Variants in KIAA0825 observed in about 807,000 individuals in gnomAD.
KIAA0825 encodes the protein uncharacterized protein KIAA0825.
In KIAA0825, 119 loss-of-function variants were observed where a neutral mutation model predicts 147.6. The ratio of observed to expected loss-of-function variants is 0.81; its 90% confidence interval spans 0.69 to 0.94. The LOEUF (loss-of-function observed/expected upper bound fraction) is 0.94, where lower values mean the gene tolerates loss of function less well. Ranked by LOEUF, KIAA0825 falls within the 40% of genes least tolerant of loss-of-function variation. The pLI is 0.00. For synonymous variants in KIAA0825, 470 were observed against 518.1 expected, an observed-to-expected ratio of 0.91 and a Z score of 1.26; for missense variants, 1,381 against 1,472.7, an observed-to-expected ratio of 0.94 and a Z score of 1.02.
At chr5:94,161,295 C>T (rs1190712191) in intron 20 of KIAA0825, among the ~76,000 whole-genome samples, 1 of 152,162 alleles carries the variant, frequency 6.6e-6, no homozygotes, top group African/African-American at 2.4e-5. Context: ...CTGCTACTAC[C>T]TCCCCTAGGG....
At chr5:94,317,727 T>C (rs927643190) in intron 20 of KIAA0825, among the ~76,000 whole-genome samples, 1 of 151,842 alleles carries the variant, frequency 6.6e-6, no homozygotes, top group Non-Finnish European at 1.5e-5. Flanking sequence ...CCTACAGTTA[T>C]TGTGCAGTGA....
intron 20 of KIAA0825, among the ~76,000 whole-genome samples, chr5:94,171,195 C>T (rs1044787139): frequency 6.6e-6 from 1 of 152,132 alleles, no homozygotes; most frequent in Admixed American, 6.5e-5. Flanking sequence ...CTTTCCTATG[C>T]TGTTCTCATG....
At chr5:94,264,357 C>T (rs189709670) in intron 20 of KIAA0825, among the ~76,000 whole-genome samples, 1 of 152,282 alleles carries the variant, frequency 6.6e-6, no homozygotes, top group East Asian at 1.9e-4. Flanking sequence ...GAGTGCCTAG[C>T]ACCATGTTTG....
At chr5:94,212,609 T>C (rs1772814874) in intron 20 of KIAA0825, among the ~76,000 whole-genome samples, 2 of 152,140 alleles carry the variant, frequency 1.3e-5, no homozygotes, top group African/African-American at 4.8e-5. Flanking sequence ...GTCACCCCAC[T>C]CCCAAGTCTC....
intron 1 of KIAA0825, among the ~76,000 whole-genome samples, chr5:94,598,725 T>C (rs1470287844): frequency 6.6e-6 from 1 of 152,126 alleles, no homozygotes; most frequent in African/African-American, 2.4e-5. Context: ...ACACTACATA[T>C]GACAGCTATG....
chr5:94,585,811 G>A (rs756048364), intron 1 of KIAA0825, among the ~76,000 whole-genome samples: 4 of 152,094 alleles, frequency 2.6e-5, no homozygotes, highest in African/African-American at 2.4e-5. Flanking sequence ...CTCAGCAAAT[G>A]TAAAAGAACA....
rs376335869 is a variant in KIAA0825 at position 94,258,133 on chromosome 5, G to A, written c.3711-104009C>T. On this transcript the variant is annotated intron_variant, in intron 20 of 20. Coordinates refer to ENST00000682413, the MANE Select transcript of KIAA0825 (RefSeq NM_001145678.3). Reference sequence around the variant, plus strand: ...AGCACAGGGTCAGCATCTTTTTTCAGTCATGCTCTTGGGGAAACATTAAAT... The same window carrying A: ...AGCACAGGGTCAGCATCTTTTTTCAATCATGCTCTTGGGGAAACATTAAAT... Among the ~76,000 whole-genome samples the A allele has an allele frequency of 5.3e-5, 8 of 151,974 alleles. No individual in the cohort carries two copies. In the East Asian group the frequency reaches 1.5e-3, roughly 29 times the overall value.
chr5:94,317,095 T>C (rs956034587), intron 20 of KIAA0825, among the ~76,000 whole-genome samples: 4 of 151,818 alleles, frequency 2.6e-5, no homozygotes, highest in African/African-American at 9.7e-5. Flanking sequence ...ACTTCTCACT[T>C]ATCAATAGTC....
intron 2 of KIAA0825, among the ~76,000 whole-genome samples, chr5:94,581,132 C>A (rs1782088788): frequency 6.6e-6 from 1 of 151,542 alleles, no homozygotes; most frequent in South Asian, 2.1e-4. Context: ...AAAAAAAAAT[C>A]AATAGTGAAA....
intron 20 of KIAA0825, among the ~76,000 whole-genome samples, chr5:94,188,947 T>G (rs1046062155): frequency 6.6e-6 from 1 of 152,214 alleles, no homozygotes; most frequent in African/African-American, 2.4e-5. Context: ...ATTGGCAGTC[T>G]TTTAACTTTT....
intron 2 of KIAA0825, among the ~76,000 whole-genome samples, chr5:94,541,985 G>A (rs561846485): frequency 5.0e-4 from 76 of 152,266 alleles, no homozygotes; most frequent in Admixed American, 8.5e-4. Flanking sequence ...TAAAATTATT[G>A]TATGCTACAA....
At chr5:94,368,647 G>A (rs938843989) in intron 20 of KIAA0825, among the ~76,000 whole-genome samples, 11 of 152,280 alleles carry the variant, frequency 7.2e-5, no homozygotes, top group Middle Eastern at 3.4e-3. Context: ...AAAAAGAAAC[G>A]GGTGTGAGAA....
intron 1 of KIAA0825, among the ~76,000 whole-genome samples, chr5:94,607,809 T>G (rs2152431078): frequency 6.6e-6 from 1 of 152,306 alleles, no homozygotes; most frequent in South Asian, 2.1e-4. Context: ...TTGGAGATTT[T>G]GGGGATAAAT....
chr5:94,336,721 T>C (rs1183511363), intron 20 of KIAA0825, among the ~76,000 whole-genome samples: 1 of 152,124 alleles, frequency 6.6e-6, no homozygotes, highest in African/African-American at 2.4e-5. Context: ...GCAGTAAGCA[T>C]ACGTGTTCAT....
intron 20 of KIAA0825, among the ~76,000 whole-genome samples, chr5:94,347,783 C>T (rs1042715367): frequency 6.6e-6 from 1 of 152,048 alleles, no homozygotes; most frequent in Non-Finnish European, 1.5e-5. Flanking sequence ...TGGATCCAAA[C>T]CAAGAAGAAA....
intron 1 of KIAA0825, among the ~76,000 whole-genome samples, chr5:94,591,520 C>T (rs762033851): frequency 6.6e-6 from 1 of 152,212 alleles, no homozygotes; most frequent in Non-Finnish European, 1.5e-5. Context: ...TGGTCTTTAG[C>T]TGACTTTAGC....
intron 20 of KIAA0825, among the ~76,000 whole-genome samples, chr5:94,214,282 A>G (rs758564883): frequency 6.6e-6 from 1 of 152,194 alleles, no homozygotes; most frequent in Admixed American, 6.5e-5. Flanking sequence ...TATAAAGATC[A>G]TACCCTTCCT....
At position 94,411,328 on chromosome 5, in the gene KIAA0825, A is replaced by C. The variant is rs192947591; in HGVS notation, c.2662+5873T>G. On this transcript the variant is annotated intron_variant, in intron 15 of 20. Coordinates refer to ENST00000682413, the MANE Select transcript of KIAA0825 (RefSeq NM_001145678.3). ...GAACAACAAATAGAAAGCAAGTAACAATATAAACCTATAGTGCCAAGTATC... is the reference window on the plus strand; with the variant it reads ...GAACAACAAATAGAAAGCAAGTAACCATATAAACCTATAGTGCCAAGTATC... Among the ~76,000 whole-genome samples, 239 of 152,346 alleles carry C rather than the reference A, an allele frequency of 1.6e-3. 1 individual carries two copies. Among genetic ancestry groups the C allele is most frequent in the African/African-American group, 5.6e-3 (234 of 41,596 alleles).
At chr5:94,397,245 T>C (rs1562457265) in intron 16 of KIAA0825, among the ~76,000 whole-genome samples, 1 of 152,196 alleles carries the variant, frequency 6.6e-6, no homozygotes, top group Non-Finnish European at 1.5e-5. Context: ...AGTCAGTAAA[T>C]TGGTTCTTGC....
Sources: gnomAD v4.1 joint callset for allele counts (sites outside exome capture counted in the v4.1 genomes callset) on GRCh38, gnomAD v4.1.1 for gene constraint, MANE v1.5 for transcripts, NCBI Gene and HGNC (gene_info 2026-07-23, HGNC 2026-07-21) for gene names.